Variants in CADM1 observed in about 807,000 individuals in gnomAD.
CADM1 encodes TSLC-1.
Under a neutral mutation model 53.1 loss-of-function variants are expected in CADM1, and 15 were observed. The observed-to-expected ratio is 0.28, with a 90% CI of 0.19 to 0.44. CADM1 has a LOEUF of 0.44. CADM1 is among the 20% of genes least tolerant of loss of function. CADM1 has a pLI of 1.00. For synonymous variants in CADM1, 281 were observed against 243.0 expected (o/e 1.16, Z -1.45); for missense variants, 434 against 611.3 (o/e 0.71, Z 3.06).
At chr11:115,308,449 G>A (rs1046751543) in intron 1 of CADM1, among the ~76,000 whole-genome samples, 28 of 151,760 alleles carry the variant, frequency 1.8e-4, no homozygotes, top group African/African-American at 6.8e-4. Context: ...TTCTTTATCT[G>A]TCTTTTTACT....
At chr11:115,303,611 G>A (rs1944290674) in intron 1 of CADM1, among the ~76,000 whole-genome samples, 1 of 152,040 alleles carries the variant, frequency 6.6e-6, no homozygotes, top group Admixed American at 6.6e-5. Context: ...AAAAGATAAA[G>A]CAAGAAAAAC....
At chr11:115,439,742 C>T (rs1948266417) in intron 1 of CADM1, among the ~76,000 whole-genome samples, 1 of 152,182 alleles carries the variant, frequency 6.6e-6, no homozygotes. Flanking sequence ...GAGAGAGAAT[C>T]CATAACACTC....
intron 1 of CADM1, among the ~76,000 whole-genome samples, chr11:115,495,264 C>T (rs188158670): frequency 2.0e-5 from 3 of 152,212 alleles, no homozygotes; most frequent in African/African-American, 7.2e-5. Flanking sequence ...CTTGTAACAT[C>T]CAGGAGGCTG....
Position 115,174,218 on chromosome 11 carries a change from G to C in CADM1, c.*2256C>G, listed in dbSNP as rs984025018. ...TACTGTACACTTTTCAAAACAGAAA[G>C]ATGGGAGGTCCCAAAAATGAGATGC... On this transcript the variant is annotated 3_prime_UTR_variant, in exon 12 of 12. Transcript: ENST00000331581. 1 of 984,864 alleles carries C rather than the reference G, an allele frequency of 1.0e-6. No homozygotes were observed. Among genetic ancestry groups the C allele is most frequent in the Non-Finnish European group, 1.2e-6 (1 of 829,870 alleles). 61.0% of individuals were successfully genotyped at this position (984,864 alleles called of 1,614,324 possible).
intron 1 of CADM1, among the ~76,000 whole-genome samples, chr11:115,467,945 TAAGAA>T (rs1948930501): frequency 6.6e-6 from 1 of 152,200 alleles, no homozygotes; most frequent in African/African-American, 2.4e-5. Context: ...CATTAATTAT[TAAGAA>T]AAGCATTTCA....
chr11:115,375,770 A>G (rs1410102369), intron 1 of CADM1, among the ~76,000 whole-genome samples: 1 of 152,072 alleles, frequency 6.6e-6, no homozygotes, highest in African/African-American at 2.4e-5. Flanking sequence ...TAATAATAGG[A>G]AATACTTATG....
rs1314988558 is a variant in CADM1 at position 115,173,882 on chromosome 11, TTTA to T, written c.*2589_*2591del. The T allele has an allele frequency of 4.1e-6, 4 of 968,600 alleles. No homozygotes were observed. The African/African-American group carries it at 7.0e-5, about 17-fold the overall frequency. 60.0% of individuals were successfully genotyped at this position (968,600 alleles called of 1,614,324 possible). On this transcript the variant is annotated 3_prime_UTR_variant, in exon 12 of 12. Coordinates refer to ENST00000331581, the MANE Select transcript of CADM1 (RefSeq NM_001301043.2). The stretch of plus-strand genomic sequence containing the variant: ...GCATCAATTATACATCCTTCATTAT[TTTA>T]TATTCCTTTAAAAAACACAAAAAAC...
At chr11:115,269,019 G>A (rs1211602344) in intron 1 of CADM1, among the ~76,000 whole-genome samples, 1 of 152,194 alleles carries the variant, frequency 6.6e-6, no homozygotes, top group East Asian at 1.9e-4. Flanking sequence ...GGGACCAGTG[G>A]GCTTTTTGGA....
rs1938868930 is a variant in CADM1 at position 115,173,434 on chromosome 11, C to G, written c.*3040G>C. On this transcript the variant is annotated 3_prime_UTR_variant, in exon 12 of 12. Transcript: ENST00000331581. ...TGTCCACTGAGAGTGGGGAAGAGAA[C>G]AAGGACAGGAAGGATGAGCGGAGAA... is the stretch of plus-strand genomic sequence containing the variant. 1 of 152,372 alleles carries G rather than the reference C, an allele frequency of 6.6e-6. No homozygotes were observed. Among genetic ancestry groups the G allele is most frequent in the Admixed American group, 6.5e-5 (1 of 15,284 alleles). 9.4% of individuals were successfully genotyped at this position (152,372 alleles called of 1,614,324 possible).
At chr11:115,319,991 C>T (rs1025530648) in intron 1 of CADM1, among the ~76,000 whole-genome samples, 5 of 152,162 alleles carry the variant, frequency 3.3e-5, no homozygotes, top group Admixed American at 2.0e-4. Context: ...AAAAAATCGG[C>T]AAGTTACCTA....
intron 11 of CADM1, among the ~76,000 whole-genome samples, chr11:115,177,442 A>G (rs1219490739): frequency 6.6e-6 from 1 of 152,158 alleles, no homozygotes; most frequent in Non-Finnish European, 1.5e-5. Flanking sequence ...TAATCAAATA[A>G]TCTTCCTCCC....
At chr11:115,299,462 G>A (rs1345506055) in intron 1 of CADM1, among the ~76,000 whole-genome samples, 1 of 152,012 alleles carries the variant, frequency 6.6e-6, no homozygotes, top group Non-Finnish European at 1.5e-5. Context: ...TTAAACATCA[G>A]TAACTCAATA....
At chr11:115,319,615 A>T (rs566572907) in intron 1 of CADM1, among the ~76,000 whole-genome samples, 1 of 152,314 alleles carries the variant, frequency 6.6e-6, no homozygotes, top group East Asian at 1.9e-4. Flanking sequence ...CACACGGCTA[A>T]TAAGTCACGT....
chr11:115,299,346 A>G (rs567043751), intron 1 of CADM1, among the ~76,000 whole-genome samples: 1 of 152,136 alleles, frequency 6.6e-6, no homozygotes, highest in South Asian at 2.1e-4. Flanking sequence ...TCTCAAAAAT[A>G]TTTTCTCCCT....
intron 5 of CADM1, among the ~76,000 whole-genome samples, chr11:115,224,269 C>T (rs1244925599): frequency 6.6e-6 from 1 of 150,646 alleles, no homozygotes; most frequent in African/African-American, 2.5e-5. Flanking sequence ...CCCAATTTTC[C>T]TCCAGTTGAG....
intron 1 of CADM1, among the ~76,000 whole-genome samples, chr11:115,260,837 T>C (rs560902442): frequency 7.8e-6 from 1 of 127,428 alleles, no homozygotes; most frequent in Admixed American, 7.9e-5. Flanking sequence ...CACCCCCGGC[T>C]AATTTTTTGT....
intron 1 of CADM1, among the ~76,000 whole-genome samples, chr11:115,347,648 G>A (rs1243261302): frequency 3.3e-5 from 5 of 152,118 alleles, no homozygotes; most frequent in African/African-American, 1.2e-4. Flanking sequence ...TTTAACCACT[G>A]TAACAATTCT....
chr11:115,442,757 C>G (rs1276879883), intron 1 of CADM1, among the ~76,000 whole-genome samples: 1 of 152,130 alleles, frequency 6.6e-6, no homozygotes, highest in Non-Finnish European at 1.5e-5. Flanking sequence ...TATAACAACT[C>G]TTACAAAAGG....
intron 1 of CADM1, among the ~76,000 whole-genome samples, chr11:115,307,700 A>G (rs1383045921): frequency 6.6e-6 from 1 of 151,844 alleles, no homozygotes; most frequent in Non-Finnish European, 1.5e-5. Context: ...AAAACTTTGA[A>G]GAAAAATCAC....
Sources: allele counts gnomAD v4.1 joint callset (sites outside exome capture counted in the v4.1 genomes callset), GRCh38; gene constraint gnomAD v4.1.1; transcripts MANE v1.5; gene names NCBI Gene and HGNC (gene_info 2026-07-23, HGNC 2026-07-21).